The following HLA-DPA1 variants were observed in gnomAD, a reference collection of about 807,000 sequenced individuals.
HLA-DPA1 encodes the protein major histocompatibility complex, class II, DP alpha 1, also known as HLA class II histocompatibility antigen, DP alpha 1 chain.
HLA-DPA1 carries 20 observed loss-of-function variants against 21.5 expected under a neutral mutation model. That is an observed-to-expected ratio of 0.93 (90% CI 0.66 to 1.35). HLA-DPA1 has a LOEUF of 1.35. Ranked by LOEUF, HLA-DPA1 falls within the 40% of genes most tolerant of loss-of-function variation. The pLI is 0.00. For synonymous variants in HLA-DPA1, 123 were observed against 129.6 expected, an observed-to-expected ratio of 0.95 and a Z score of 0.35; for missense variants, 279 against 323.0, an observed-to-expected ratio of 0.86 and a Z score of 1.05.
chr6:33,069,188 C>T (rs779927534), exon 4 of HLA-DPA1: 3 of 1,612,980 alleles, frequency 1.9e-6, no homozygotes, highest in Admixed American at 1.7e-5. Flanking sequence ...CCCCGTTGCA[C>T]AGCCACGTGA....
intron 3 of HLA-DPA1, 40 bp from the exon 3 acceptor site, chr6:33,069,340 A>G (rs1440650713): frequency 6.3e-7 from 1 of 1,579,024 alleles, no homozygotes; most frequent in East Asian, 2.3e-5. Context: ...CTCTTCTGGG[A>G]TGAATCACAA....
At chr6:33,066,463 A>G (rs72867694) in intron 5 of HLA-DPA1, 1 of 152,054 alleles carries the variant, frequency 6.6e-6, no homozygotes, top group East Asian at 1.9e-4. Context: ...TAAAGTAGTA[A>G]ATGTGAAATT....
intron 1 of HLA-DPA1, among the ~76,000 whole-genome samples, chr6:33,075,361 C>T (rs1465867849): frequency 1.3e-5 from 2 of 152,142 alleles, no homozygotes; most frequent in East Asian, 1.9e-4. Flanking sequence ...GGTGTGTCCA[C>T]GCTCCCAGTG....
chr6:33,079,018 C>T (rs1474573720), intron 1 of HLA-DPA1, among the ~76,000 whole-genome samples: 1 of 152,192 alleles, frequency 6.6e-6, no homozygotes, highest in Non-Finnish European at 1.5e-5. Flanking sequence ...ATATCTGAGT[C>T]AAGACCTGGG....
intron 1 of HLA-DPA1, among the ~76,000 whole-genome samples, chr6:33,075,016 G>T (rs956651425): frequency 6.6e-6 from 1 of 151,882 alleles, no homozygotes; most frequent in Non-Finnish European, 1.5e-5. Context: ...AATTAGAATT[G>T]GTGGTCCAAC....
At chr6:33,069,909 A>C in intron 2 of HLA-DPA1, 23 bp from the exon 2 acceptor site, 1 of 1,598,426 alleles carries the variant, frequency 6.3e-7, no homozygotes, top group Non-Finnish European at 8.5e-7. Flanking sequence ...AGTAGAGAAA[A>C]ACACGACAAA....
chr6:33,071,032 C>A (rs1049984663), intron 2 of HLA-DPA1, among the ~76,000 whole-genome samples: 1 of 152,132 alleles, frequency 6.6e-6, no homozygotes, highest in Non-Finnish European at 1.5e-5. Context: ...ATGATAAATG[C>A]ATCAGAGTGA....
intron 1 of HLA-DPA1, among the ~76,000 whole-genome samples, chr6:33,075,646 G>A (rs1201808437): frequency 6.6e-6 from 1 of 151,144 alleles, no homozygotes; most frequent in Non-Finnish European, 1.5e-5. Flanking sequence ...TCCTGTGGGT[G>A]TGTGAGGTGT....
chr6:33,071,155 G>A (rs1450158677), intron 2 of HLA-DPA1, among the ~76,000 whole-genome samples: 1 of 144,594 alleles, frequency 6.9e-6, no homozygotes. Flanking sequence ...ACAGTGACAG[G>A]AGAATGACTC....
rs769135694 is a variant in HLA-DPA1, at chr6:33,080,224, G to C, written c.-100+456C>G. Among the ~76,000 whole-genome samples the C allele has an allele frequency of 2.4e-4, 37 of 152,194 alleles. No homozygotes were observed. Among genetic ancestry groups the C allele is most frequent in the Non-Finnish European group, 4.6e-4 (31 of 68,030 alleles). On this transcript the variant is annotated intron_variant, in intron 1 of 5. Coordinates refer to ENST00000419277, the Ensembl canonical transcript of HLA-DPA1. The surrounding 1 kb of genome is among the most constrained non-coding windows in gnomAD (Gnocchi z 4.3). Reference sequence around the variant, plus strand: ...GAAAGAAGGAAGGGAGGGCTTCCTGGAGGAGGTGGCATTTGAACCAGGACT... The same window carrying C: ...GAAAGAAGGAAGGGAGGGCTTCCTGCAGGAGGTGGCATTTGAACCAGGACT...
intron 1 of HLA-DPA1, chr6:33,076,032 T>C: frequency 2.5e-6 from 4 of 1,607,792 alleles, no homozygotes; most frequent in Non-Finnish European, 3.4e-6. Context: ...TGCCATCCTT[T>C]TCCAGCTCCA....
intron 2 of HLA-DPA1, among the ~76,000 whole-genome samples, chr6:33,072,886 C>A (rs1237538465): frequency 6.6e-6 from 1 of 152,204 alleles, no homozygotes; most frequent in African/African-American, 2.4e-5. Flanking sequence ...GAGAGGAAAG[C>A]TTGTGACCAC....
chr6:33,071,231 T>C (rs1189438867), intron 2 of HLA-DPA1, among the ~76,000 whole-genome samples: 49 of 151,616 alleles, frequency 3.2e-4, no homozygotes, highest in Admixed American at 3.2e-3. Context: ...TGAGAATGAC[T>C]CCCTGACACA....
chr6:33,069,808 T>G, exon 3 of HLA-DPA1: 1 of 1,611,090 alleles, frequency 6.2e-7, no homozygotes, highest in African/African-American at 1.3e-5. Context: ...GAACATCTCA[T>G]CTTCATCAAA....
At chr6:33,067,672 T>C (rs768155010) in intron 5 of HLA-DPA1, 3 of 152,226 alleles carry the variant, frequency 2.0e-5, no homozygotes, top group Non-Finnish European at 4.4e-5. Context: ...CAAAATTAGA[T>C]CTATAATTTA....
chr6:33,069,641 C>T lies in HLA-DPA1; in HGVS notation c.346G>A (p.Asp116Asn), dbSNP rs780155623. Residue 116 changes from aspartate (D) to asparagine (N), a missense_variant and splice_region_variant, in exon 3 of 6, where the codon GAT becomes AAT. Asp to Asn is a conservative substitution (Grantham distance 23, BLOSUM62 1). Coordinates refer to ENST00000419277, the Ensembl canonical transcript of HLA-DPA1. ...AGGAAGAGGCAAAGATAGGGCGTAC[C>T]GTTGGTGGCCTGAGTGTGGTTGGAA... 1.2e-4 allele frequency: 196 copies of T among 1,611,920 alleles called. No homozygotes were observed. The highest frequency in any genetic ancestry group is 2.3e-4 in the Admixed American group (14 of 60,000).
At chr6:33,069,427 G>A in intron 3 of HLA-DPA1, 127 bp from the exon 3 acceptor site, 2 of 1,060,088 alleles carry the variant, frequency 1.9e-6, no homozygotes. Flanking sequence ...ACAGAGAGGG[G>A]TATCACACCA....
At chr6:33,073,426 C>T in intron 2 of HLA-DPA1, 45 bp downstream of exon 1, 1 of 956,704 alleles carries the variant, frequency 1.0e-6, no homozygotes, top group South Asian at 1.4e-5. Flanking sequence ...ATGTGAACCA[C>T]CCCATCACTC....
chr6:33,079,085 C>T (rs1204137152), intron 1 of HLA-DPA1, among the ~76,000 whole-genome samples: 2 of 152,200 alleles, frequency 1.3e-5, no homozygotes, highest in African/African-American at 2.4e-5. Context: ...TGCCCTTGAG[C>T]CCAGCCCTAC....
Sources: gnomAD v4.1 joint callset for allele counts (sites outside exome capture counted in the v4.1 genomes callset) on GRCh38, gnomAD v4.1.1 for gene constraint, Gnocchi (gnomAD v3.1) non-coding constraint, MANE v1.5 for transcripts, NCBI Gene and HGNC (gene_info 2026-07-23, HGNC 2026-07-21) for gene names.